ADGRE2: variants seen among roughly 807,000 people sequenced by gnomAD.
The protein encoded by ADGRE2 is adhesion G protein-coupled receptor E2.
Under a neutral mutation model 100.8 loss-of-function variants are expected in ADGRE2, and 83 were observed. The observed-to-expected ratio is 0.82, with a 90% CI of 0.69 to 0.99. ADGRE2 has a LOEUF of 0.99. ADGRE2 is among the 50% of genes least tolerant of loss of function. ADGRE2 has a pLI of 0.00. For missense variants in ADGRE2, 814 were observed against 1,035.7 expected, an observed-to-expected ratio of 0.79 and a Z score of 2.94; for synonymous variants, 355 against 413.0, an observed-to-expected ratio of 0.86 and a Z score of 1.70.
chr19:14,724,586 T>A, the ADGRE2 span, among the ~76,000 whole-genome samples: 1 of 152,114 alleles, frequency 6.6e-6, no homozygotes, highest in Non-Finnish European at 1.5e-5. Flanking sequence ...GCCAACATGG[T>A]GAAGCTCCAT....
intron 14 of ADGRE2, among the ~76,000 whole-genome samples, chr19:14,753,788 TA>T (rs58085048): frequency 0.44 from 61,395 of 141,014 alleles, 13,773 homozygotes; most frequent in African/African-American, 0.6. Context: ...AGACCCTGTC[TA>T]AAAAAAAAAA....
the ADGRE2 span, among the ~76,000 whole-genome samples, chr19:14,727,324 G>A: frequency 1.1e-4 from 17 of 152,206 alleles, no homozygotes; most frequent in African/African-American, 1.7e-4. Flanking sequence ...CACCAAGCCC[G>A]GCCCAAGAAA....
chr19:14,777,490 A>C (rs2044483041), intron 1 of ADGRE2, among the ~76,000 whole-genome samples: 1 of 151,920 alleles, frequency 6.6e-6, no homozygotes, highest in Non-Finnish European at 1.5e-5. Flanking sequence ...TTAATTAATT[A>C]ATTAATTAAT....
At chr19:14,774,773 A>G (rs935433198) in intron 2 of ADGRE2, among the ~76,000 whole-genome samples, 5 of 148,594 alleles carry the variant, frequency 3.4e-5, no homozygotes, top group African/African-American at 1.2e-4. Flanking sequence ...TCCTGGGTTC[A>G]AGCAATTCTC....
At chr19:14,765,873 C>G in intron 7 of ADGRE2, 69 bp from the exon 8 acceptor site, 1 of 1,611,952 alleles carries the variant, frequency 6.2e-7, no homozygotes, top group South Asian at 1.1e-5. Flanking sequence ...TGTCTGTGCC[C>G]CCAGCTCGTT....
Position 14,751,489 on chromosome 19 carries a change from C to T in ADGRE2, c.1971G>A (p.Val657=). The T allele has an allele frequency of 6.2e-7, 1 of 1,614,146 alleles. No homozygotes were observed. The highest frequency in any genetic ancestry group is 8.5e-7 in the Non-Finnish European group (1 of 1,180,016). ...TGGAGGCTGCAGAAATGGCCACTGT[C>T]ACAGCTGGGACTCCGTAGCCCACAG... ...MFPVGYGVPA[V]TVAISAASRP... Residue 657 remains valine (V), a synonymous_variant, in exon 16 of 21, where the codon GTG becomes GTA. Transcript: ENST00000315576.
chr19:14,759,590 G>A (rs1394073842), intron 11 of ADGRE2, among the ~76,000 whole-genome samples: 1 of 148,756 alleles, frequency 6.7e-6, no homozygotes, highest in Non-Finnish European at 1.5e-5. Context: ...TCTGCCTCCT[G>A]GGTTCCAGCG....
chr19:14,747,316 C>T (rs1454559286), intron 16 of ADGRE2, among the ~76,000 whole-genome samples: 11 of 151,950 alleles, frequency 7.2e-5, no homozygotes, highest in African/African-American at 2.7e-4. Context: ...GCCTGAGCAA[C>T]ATAGCAAGAC....
chr19:14,755,621 A>G, intron 13 of ADGRE2, 33 bp downstream of exon 13: 2 of 1,592,362 alleles, frequency 1.3e-6, no homozygotes, highest in Non-Finnish European at 1.7e-6. Context: ...GACTCAGACT[A>G]TTCACCCACC....
chr19:14,767,434 T>TA (rs1256227098), intron 5 of ADGRE2, among the ~76,000 whole-genome samples: 4 of 151,994 alleles, frequency 2.6e-5, no homozygotes, highest in African/African-American at 9.7e-5. Flanking sequence ...TTAGACGGGG[T>TA]TTCACCGTGT....
chr19:14,772,111 G>A, intron 5 of ADGRE2: 1 of 578,500 alleles, frequency 1.7e-6, no homozygotes, highest in Non-Finnish European at 3.1e-6. Flanking sequence ...TAGGTAACAG[G>A]TGGCAAAGCC....
rs2043317964 is a variant in ADGRE2, at chr19:14,752,166, G to C, written c.1788+163C>G. ...CAGGCTGGTCTCAAACTCCCGACCT[G>C]AGGTGATCCGCCCACCTCAGTCTCC... is the stretch of plus-strand genomic sequence containing the variant. On this transcript the variant is annotated intron_variant, in intron 15 of 20. Coordinates refer to ENST00000315576, the MANE Select transcript of ADGRE2 (RefSeq NM_013447.4). Among the ~76,000 whole-genome samples the C allele has an allele frequency of 2.0e-5, 3 of 151,842 alleles. No individual in the cohort carries two copies. In the South Asian group the frequency reaches 6.2e-4, roughly 32 times the overall value.
chr19:14,773,977 A>C lies in ADGRE2; in HGVS notation c.160T>G (p.Phe54Val). 6.2e-7 allele frequency: 1 copy of C among 1,614,040 alleles called. No individual in the cohort carries two copies. The highest frequency in any genetic ancestry group is 8.5e-7 in the Non-Finnish European group (1 of 1,179,996). ...ATGGGGGTGGTGATGATCTCAGAAA[A>C]AGAGCTGAACCCTGGATTGCAGCGA... is the stretch of plus-strand genomic sequence containing the variant. ...ACRCNPGFSS[F>V]SEIITTPMET... The change falls in exon 4 of 21, where the codon TTT becomes GTT. Residue 54 changes from phenylalanine to valine, a missense_variant. By Grantham distance (50) the Phe-to-Val change is conservative. Transcript: ENST00000315576.
intron 20 of ADGRE2, among the ~76,000 whole-genome samples, chr19:14,736,795 TTTA>T (rs1482704783): frequency 2.1e-5 from 3 of 139,864 alleles, no homozygotes; most frequent in East Asian, 2.1e-4. Context: ...AGTATAGATA[TTTA>T]GAAATATATA....
At position 14,764,942 on chromosome 19, in the gene ADGRE2, G is replaced by A. The variant is rs987299578; in HGVS notation, c.907-332C>T. On this transcript the variant is annotated intron_variant, in intron 10 of 20. Transcript: ENST00000315576. The stretch of plus-strand genomic sequence containing the variant: ...TGAGGGAGGAGAATCGCTTGAACCC[G>A]GGAGGCAGAGACTGCAGTGAGCTGA... 5.9e-5 allele frequency among the ~76,000 whole-genome samples: 9 copies of A among 152,098 alleles called. No individual in the cohort carries two copies. The South Asian group carries it at 6.2e-4, about 11-fold the overall frequency.
Position 14,776,890 on chromosome 19 carries a change from C to T in ADGRE2, c.-134G>A. Reference sequence around the variant, plus strand: ...TTTATAAAGGAGGGGGGGCGGACAGCCGCTGGCCCAGGGCCCTCCCCGGAA... The same window carrying T: ...TTTATAAAGGAGGGGGGGCGGACAGTCGCTGGCCCAGGGCCCTCCCCGGAA... On this transcript the variant is annotated 5_prime_UTR_variant, in exon 2 of 21. Coordinates refer to ENST00000315576, the MANE Select transcript of ADGRE2 (RefSeq NM_013447.4). The T allele has an allele frequency of 3.3e-6, 5 of 1,517,240 alleles. No homozygotes were observed. Among genetic ancestry groups the T allele is most frequent in the Non-Finnish European group, 4.4e-6 (5 of 1,128,108 alleles). The allele number at this position is 1,517,240 out of a possible 1,614,324, so 94.0% of individuals were successfully genotyped here.
chr19:14,732,315 T>C (rs2042678351), downstream of ADGRE2: 1 of 152,056 alleles, frequency 6.6e-6, no homozygotes, highest in South Asian at 2.1e-4. Flanking sequence ...AGTATGTACA[T>C]TAAAAAAAAG....
intron 5 of ADGRE2, among the ~76,000 whole-genome samples, chr19:14,771,621 C>CTTATCTAT (rs1555789550): frequency 3.5e-5 from 5 of 143,504 alleles, no homozygotes; most frequent in African/African-American, 1.0e-4. Context: ...GCATCCATTG[C>CTTATCTAT]TTATTTATTT....
chr19:14,759,500 TA>T (rs2043626410), intron 11 of ADGRE2, among the ~76,000 whole-genome samples: 1 of 86,798 alleles, frequency 1.2e-5, no homozygotes, highest in African/African-American at 4.6e-5. Context: ...TATATATATA[TA>T]TATTTTTTTT....
Sources: gnomAD v4.1 joint callset for allele counts (sites outside exome capture counted in the v4.1 genomes callset) on GRCh38, gnomAD v4.1.1 for gene constraint, MANE v1.5 for transcripts, NCBI Gene and HGNC (gene_info 2026-07-23, HGNC 2026-07-21) for gene names.